GRIN2A: variants seen among roughly 807,000 people sequenced by gnomAD.
GRIN2A encodes glutamate ionotropic receptor NMDA type subunit 2A.
In GRIN2A, 22 loss-of-function variants were observed where a neutral mutation model predicts 113.4. The ratio of observed to expected loss-of-function variants is 0.19; its 90% CI spans 0.14 to 0.28. GRIN2A has a LOEUF of 0.28. Ranked by LOEUF, GRIN2A falls within the 10% of genes least tolerant of loss-of-function variation. The pLI is 1.00. For missense variants in GRIN2A, 1,502 were observed against 1,887.0 expected (o/e 0.80, Z 3.78); for synonymous variants, 827 against 738.4 (o/e 1.12, Z -1.94).
intron 10 of GRIN2A, among the ~76,000 whole-genome samples, chr16:9,800,977 C>T (rs1049901016): frequency 6.6e-6 from 1 of 152,244 alleles, no homozygotes; most frequent in East Asian, 1.9e-4. Context: ...GTGAAAGGAA[C>T]CTGAGTTCTA....
At chr16:9,798,242 GT>G (rs1352735426) in intron 11 of GRIN2A, 34 bp downstream of exon 11, 2 of 1,569,772 alleles carry the variant, frequency 1.3e-6, no homozygotes, top group Non-Finnish European at 1.8e-6. Context: ...AGGGTCTCAA[GT>G]CCCCCTAAAG....
intron 2 of GRIN2A, among the ~76,000 whole-genome samples, chr16:10,125,580 G>C (rs945585825): frequency 1.3e-5 from 2 of 149,564 alleles, no homozygotes; most frequent in South Asian, 2.1e-4. Flanking sequence ...TGAAGGCTGA[G>C]AGCAAAGCAA....
At chr16:10,086,848 G>A (rs571644021) in intron 2 of GRIN2A, among the ~76,000 whole-genome samples, 3 of 152,200 alleles carry the variant, frequency 2.0e-5, no homozygotes, top group Non-Finnish European at 2.9e-5. Context: ...TAAGCTCTTA[G>A]TGGGCAGGAA....
At chr16:10,075,388 T>C (rs2047849786) in intron 2 of GRIN2A, among the ~76,000 whole-genome samples, 1 of 151,984 alleles carries the variant, frequency 6.6e-6, no homozygotes, top group African/African-American at 2.4e-5. Context: ...ATACCTAAAA[T>C]AGGCAAATTT....
At chr16:9,814,620 C>A (rs2042151479) in intron 10 of GRIN2A, among the ~76,000 whole-genome samples, 1 of 152,192 alleles carries the variant, frequency 6.6e-6, no homozygotes. Flanking sequence ...CTCCCTCTTC[C>A]TTGTCCTGTT....
intron 2 of GRIN2A, among the ~76,000 whole-genome samples, chr16:10,157,324 T>TAA (rs1271494670): frequency 6.6e-6 from 1 of 152,232 alleles, no homozygotes; most frequent in African/African-American, 2.4e-5. Context: ...AAACTCTGAT[T>TAA]ATCTTTCAAT....
chr16:10,025,374 C>T (rs147350650), intron 2 of GRIN2A, among the ~76,000 whole-genome samples: 137 of 131,958 alleles, frequency 1.0e-3, no homozygotes, highest in African/African-American at 3.6e-3. Flanking sequence ...GTAATTACAA[C>T]TCACAGCAGC....
intron 2 of GRIN2A, among the ~76,000 whole-genome samples, chr16:9,939,278 T>C (rs1305560803): frequency 6.6e-6 from 1 of 152,128 alleles, no homozygotes; most frequent in South Asian, 2.1e-4. Flanking sequence ...TGCATGGATG[T>C]TACAGTCAGA....
chr16:10,087,360 C>T (rs145900286), intron 2 of GRIN2A, among the ~76,000 whole-genome samples: 44 of 152,318 alleles, frequency 2.9e-4, no homozygotes, highest in South Asian at 1.7e-3. Flanking sequence ...TGGGAGCCAG[C>T]GGAATGTAAG....
At chr16:10,138,964 G>A (rs1433389174) in intron 2 of GRIN2A, among the ~76,000 whole-genome samples, 1 of 152,158 alleles carries the variant, frequency 6.6e-6, no homozygotes, top group East Asian at 1.9e-4. Flanking sequence ...TTCTTGGTAT[G>A]GGAGTTCTCC....
chr16:9,773,419 T>G (rs1336353193), intron 11 of GRIN2A, among the ~76,000 whole-genome samples: 1 of 152,222 alleles, frequency 6.6e-6, no homozygotes, highest in Admixed American at 6.5e-5. Flanking sequence ...TGCTGCCAGT[T>G]TCTCCTATTA....
At chr16:10,024,298 A>G (rs530700197) in intron 2 of GRIN2A, among the ~76,000 whole-genome samples, 8 of 152,352 alleles carry the variant, frequency 5.3e-5, no homozygotes, top group African/African-American at 1.9e-4. Flanking sequence ...ATCTTGGCTC[A>G]CTGCAGCCTC....
At chr16:9,981,229 T>A (rs1444924098) in intron 2 of GRIN2A, among the ~76,000 whole-genome samples, 1 of 152,190 alleles carries the variant, frequency 6.6e-6, no homozygotes, top group Non-Finnish European at 1.5e-5. Flanking sequence ...CCTTCTATGA[T>A]CTCAAGGCAG....
chr16:10,076,755 T>A (rs895034800), intron 2 of GRIN2A, among the ~76,000 whole-genome samples: 1 of 152,146 alleles, frequency 6.6e-6, no homozygotes, highest in Non-Finnish European at 1.5e-5. Flanking sequence ...GAACATTCCA[T>A]CTGCAGCTAC....
intron 8 of GRIN2A, among the ~76,000 whole-genome samples, chr16:9,830,877 G>C (rs1809578519): frequency 6.6e-6 from 1 of 151,832 alleles, no homozygotes; most frequent in South Asian, 2.1e-4. Context: ...GGAAATTCTT[G>C]GGGAAAACTT....
At chr16:9,941,751 T>C (rs1034657820) in intron 2 of GRIN2A, among the ~76,000 whole-genome samples, 8 of 152,174 alleles carry the variant, frequency 5.3e-5, no homozygotes, top group South Asian at 2.1e-4. Flanking sequence ...ATAATGATCA[T>C]AGTAAACATG....
chr16:10,000,069 A>T (rs2046294176), intron 2 of GRIN2A, among the ~76,000 whole-genome samples: 1 of 151,652 alleles, frequency 6.6e-6, no homozygotes, highest in South Asian at 2.1e-4. Flanking sequence ...TTCACTATAC[A>T]TCTCCTCCTC....
intron 5 of GRIN2A, among the ~76,000 whole-genome samples, chr16:9,849,238 T>A (rs1398242728): frequency 6.9e-6 from 1 of 145,760 alleles, no homozygotes; most frequent in African/African-American, 2.5e-5. Flanking sequence ...GTTTTATATT[T>A]TAATATATTA....
chr16:9,886,683 A>C (rs913654584), intron 4 of GRIN2A, among the ~76,000 whole-genome samples: 1 of 152,206 alleles, frequency 6.6e-6, no homozygotes, highest in Non-Finnish European at 1.5e-5. Context: ...TAGGCACTTA[A>C]TAACTATTTG....
Sources: gnomAD v4.1 joint callset for allele counts (sites outside exome capture counted in the v4.1 genomes callset) on GRCh38, gnomAD v4.1.1 for gene constraint, MANE v1.5 for transcripts, NCBI Gene and HGNC (gene_info 2026-07-23, HGNC 2026-07-21) for gene names.